The following CPQ variants were observed in gnomAD, a reference collection of about 807,000 sequenced individuals.
CPQ encodes Ser-Met dipeptidase.
In CPQ, 37 loss-of-function variants were observed where a neutral mutation model predicts 45.7. The ratio of observed to expected loss-of-function variants is 0.81; its 90% CI spans 0.62 to 1.07. The LOEUF (loss-of-function observed/expected upper bound fraction) is 1.07. CPQ is among the 50% of genes least tolerant of loss of function. The pLI is 0.00. For synonymous variants in CPQ, 186 were observed against 205.8 expected (o/e 0.90, Z 0.82); for missense variants, 537 against 572.9 (o/e 0.94, Z 0.64).
chr8:96,666,157 C>T (rs918576220), intron 1 of CPQ, among the ~76,000 whole-genome samples: 1 of 152,052 alleles, frequency 6.6e-6, no homozygotes, highest in Non-Finnish European at 1.5e-5. Flanking sequence ...AGTTCTTTAG[C>T]AAGACGTCTG....
chr8:96,696,455 A>T (rs1362363013), intron 1 of CPQ, among the ~76,000 whole-genome samples: 3 of 152,082 alleles, frequency 2.0e-5, no homozygotes, highest in Admixed American at 2.0e-4. Context: ...AATAAATTAA[A>T]AAAAAAGAAC....
intron 7 of CPQ, among the ~76,000 whole-genome samples, chr8:97,088,015 A>G (rs926704311): frequency 5.3e-5 from 8 of 152,206 alleles, no homozygotes; most frequent in Non-Finnish European, 1.5e-5. Flanking sequence ...CAATTATTAT[A>G]TCCAAAGAGA....
intron 4 of CPQ, among the ~76,000 whole-genome samples, chr8:96,949,685 G>GCTT (rs1215681897): frequency 6.6e-6 from 1 of 152,098 alleles, no homozygotes; most frequent in African/African-American, 2.4e-5. Context: ...TTTGTTTTTA[G>GCTT]CTTCTTCTTA....
intron 1 of CPQ, among the ~76,000 whole-genome samples, chr8:96,715,790 T>C (rs779265987): frequency 1.1e-4 from 17 of 152,090 alleles, no homozygotes; most frequent in Admixed American, 4.6e-4. Flanking sequence ...AGTCCCCCTT[T>C]CTGCAGGAAT....
intron 2 of CPQ, among the ~76,000 whole-genome samples, chr8:96,787,248 A>G (rs1810780811): frequency 6.6e-6 from 1 of 152,088 alleles, no homozygotes. Context: ...TGTATATGGT[A>G]TAAGATAAGG....
At chr8:96,695,452 A>G (rs1317255334) in intron 1 of CPQ, among the ~76,000 whole-genome samples, 2 of 151,426 alleles carry the variant, frequency 1.3e-5, no homozygotes, top group African/African-American at 2.4e-5. Flanking sequence ...GATCTAATTA[A>G]ACTAAAGAGC....
At chr8:96,815,849 C>G (rs765182444) in intron 2 of CPQ, among the ~76,000 whole-genome samples, 28 of 152,228 alleles carry the variant, frequency 1.8e-4, no homozygotes, top group Non-Finnish European at 3.7e-4. Context: ...TGTGTAATAG[C>G]ATTATGGCTA....
chr8:96,674,642 T>G (rs1264508123), intron 1 of CPQ, among the ~76,000 whole-genome samples: 1 of 152,124 alleles, frequency 6.6e-6, no homozygotes, highest in Admixed American at 6.6e-5. Flanking sequence ...AGGAAAGAGA[T>G]TCAAACAAAA....
intron 1 of CPQ, among the ~76,000 whole-genome samples, chr8:96,758,792 C>T (rs930177220): frequency 1.1e-4 from 16 of 152,122 alleles, no homozygotes; most frequent in Non-Finnish European, 2.4e-4. Context: ...CTTAATTCAT[C>T]TCAGCTTCCC....
chr8:97,099,571 G>T (rs1341284165), intron 7 of CPQ, among the ~76,000 whole-genome samples: 6 of 150,236 alleles, frequency 4.0e-5, no homozygotes, highest in Admixed American at 6.6e-5. Context: ...TTCTGACTAC[G>T]TGGTTTCTCC....
intron 1 of CPQ, among the ~76,000 whole-genome samples, chr8:96,657,621 G>A (rs952722918): frequency 1.3e-5 from 2 of 151,994 alleles, no homozygotes; most frequent in African/African-American, 4.8e-5. Flanking sequence ...ATGCCTACAT[G>A]TTTACAGAAA....
intron 4 of CPQ, among the ~76,000 whole-genome samples, chr8:96,896,559 T>G (rs1010560953): frequency 6.6e-6 from 1 of 152,176 alleles, no homozygotes; most frequent in African/African-American, 2.4e-5. Flanking sequence ...TAAAATTAAT[T>G]TACTTAATAA....
intron 1 of CPQ, among the ~76,000 whole-genome samples, chr8:96,766,691 A>G (rs907061803): frequency 1.3e-5 from 2 of 152,198 alleles, no homozygotes; most frequent in African/African-American, 4.8e-5. Context: ...ATCTTCAAGT[A>G]TAACTCAGGT....
At chr8:96,719,362 G>A (rs7823209) in intron 1 of CPQ, among the ~76,000 whole-genome samples, 3,560 of 152,316 alleles carry the variant, frequency 0.023, 157 homozygotes, top group African/African-American at 0.081. Context: ...GGCTGGCAGG[G>A]CTGGCCGGCT....
At chr8:96,970,173 A>AAAT (rs1227313866) in intron 5 of CPQ, among the ~76,000 whole-genome samples, 2 of 152,234 alleles carry the variant, frequency 1.3e-5, no homozygotes, top group African/African-American at 4.8e-5. Flanking sequence ...ACAGAGAAGA[A>AAAT]AATGAACAGC....
chr8:97,142,788 T>G (rs565957791), intron 7 of CPQ, among the ~76,000 whole-genome samples: 2 of 152,328 alleles, frequency 1.3e-5, no homozygotes, highest in South Asian at 4.1e-4. Flanking sequence ...CCCAACTCTT[T>G]GTCAACGAAG....
chr8:96,841,716 G>A (rs1198827316), intron 3 of CPQ, among the ~76,000 whole-genome samples: 2 of 152,178 alleles, frequency 1.3e-5, no homozygotes, highest in African/African-American at 4.8e-5. Flanking sequence ...TATTGACAGA[G>A]TATAGTGAAG....
At chr8:97,140,204 A>G (rs191980003) in intron 7 of CPQ, among the ~76,000 whole-genome samples, 111 of 152,168 alleles carry the variant, frequency 7.3e-4, no homozygotes, top group African/African-American at 2.5e-3. Flanking sequence ...ATTCAAGAAT[A>G]AGTACAAAAC....
chr8:97,023,546 G>T (rs1809746348), intron 5 of CPQ, among the ~76,000 whole-genome samples: 1 of 152,168 alleles, frequency 6.6e-6, no homozygotes, highest in South Asian at 2.1e-4. Context: ...GCCAGAAATG[G>T]CCTTTATGCA....
Sources: gnomAD v4.1 joint callset for allele counts (sites outside exome capture counted in the v4.1 genomes callset) on GRCh38, gnomAD v4.1.1 for gene constraint, MANE v1.5 for transcripts, NCBI Gene and HGNC (gene_info 2026-07-23, HGNC 2026-07-21) for gene names.